Variants in PCDHGA5 observed in about 807,000 individuals in gnomAD.
PCDHGA5 encodes protocadherin gamma subfamily A, 5, also known as protocadherin gamma-A5.
In PCDHGA5, 36 loss-of-function variants were observed where a neutral mutation model predicts 56.7. The ratio of observed to expected loss-of-function variants is 0.64; its 90% CI spans 0.49 to 0.84. The LOEUF is 0.84. PCDHGA5 is among the 40% of genes least tolerant of loss of function. The probability of loss-of-function intolerance (pLI) is 0.00; values close to 1 mark genes in which losing one functional copy is unlikely to be tolerated. For synonymous variants in PCDHGA5, 563 were observed against 520.2 expected (o/e 1.08, Z -1.12); for missense variants, 1,305 against 1,201.5 (o/e 1.09, Z -1.27).
chr5:141,368,908 A>G (rs1325459876), intron 1 of PCDHGA5, among the ~76,000 whole-genome samples: 7 of 152,216 alleles, frequency 4.6e-5, no homozygotes, highest in Admixed American at 3.9e-4. Flanking sequence ...GTTTGTATAA[A>G]GGTGACAATG....
intron 1 of PCDHGA5, chr5:141,372,061 A>C: frequency 1.2e-6 from 2 of 1,613,572 alleles, no homozygotes; most frequent in Non-Finnish European, 1.7e-6. Context: ...GACGACCGCA[A>C]CGACAATGCA....
At position 141,409,547 on chromosome 5, in the gene PCDHGA5, G is replaced by T. The variant is rs760802690; in HGVS notation, c.2421+42796G>T. Reference sequence around the variant, plus strand: ...GTATGTCGCTGACATCAACGACAACGCCCCAGTTTTCGACCAGACGTCCTA... The same window carrying T: ...GTATGTCGCTGACATCAACGACAACTCCCCAGTTTTCGACCAGACGTCCTA... On this transcript the variant is annotated intron_variant, in intron 1 of 3. Coordinates refer to ENST00000518069, the MANE Select transcript of PCDHGA5 (RefSeq NM_018918.3). The T allele has an allele frequency of 2.4e-5, 39 of 1,613,818 alleles. No individual in the cohort carries two copies. The highest frequency in any genetic ancestry group is 3.1e-5 in the Non-Finnish European group (36 of 1,179,900).
At chr5:141,505,348 G>A (rs1414647950) in intron 2 of PCDHGA5, 45 bp from the exon 3 acceptor site, 1 of 1,613,358 alleles carries the variant, frequency 6.2e-7, no homozygotes, top group Admixed American at 1.7e-5. Context: ...GGCATGAGCT[G>A]TGCCGGCCTG....
At chr5:141,372,063 G>C (rs571325193) in intron 1 of PCDHGA5, 20 of 1,613,430 alleles carry the variant, frequency 1.2e-5, no homozygotes, top group East Asian at 2.2e-5. Flanking sequence ...CGACCGCAAC[G>C]ACAATGCACC....
At chr5:141,383,483 T>A (rs1779176353) in intron 1 of PCDHGA5, 1 of 1,613,378 alleles carries the variant, frequency 6.2e-7, no homozygotes, top group Non-Finnish European at 8.5e-7. Flanking sequence ...CCGGAACTGG[T>A]GCTGGAGCGG....
At chr5:141,420,742 A>G (rs967908996) in intron 1 of PCDHGA5, among the ~76,000 whole-genome samples, 3 of 152,372 alleles carry the variant, frequency 2.0e-5, no homozygotes, top group African/African-American at 7.2e-5. Context: ...AATCAATTGG[A>G]ACCAACTACA....
At chr5:141,418,878 A>G (rs1193526475) in intron 1 of PCDHGA5, 2 of 1,613,930 alleles carry the variant, frequency 1.2e-6, no homozygotes, top group Non-Finnish European at 8.5e-7. Context: ...GTTGTAGACG[A>G]AAACGACAAC....
In PCDHGA5 at chr5:141,485,865, C is replaced by T. The variant is rs1214425261; in HGVS notation, c.2422-8942C>T. The stretch of plus-strand genomic sequence containing the variant: ...TCTGGCACCGCAGAGCTCCGGGTAT[C>T]CGTGCTGGACGTAAACGACAACGCC... On this transcript the variant is annotated intron_variant, in intron 1 of 3. Transcript: ENST00000518069. The surrounding 1 kb of genome is among the most constrained non-coding windows in gnomAD (Gnocchi z 5.7). 23 of 1,614,182 alleles carry T rather than the reference C, an allele frequency of 1.4e-5. No homozygotes were observed. Among genetic ancestry groups the T allele is most frequent in the Non-Finnish European group, 1.8e-5 (21 of 1,180,034 alleles).
chr5:141,492,720 A>G (rs1161942205), intron 1 of PCDHGA5, among the ~76,000 whole-genome samples: 1 of 152,256 alleles, frequency 6.6e-6, no homozygotes, highest in East Asian at 1.9e-4. Context: ...GCAGGCGGAC[A>G]GGCAGAGCTG....
In PCDHGA5 at chr5:141,477,017, A is replaced by G; in HGVS notation, c.2422-17790A>G. 2 of 1,614,220 alleles carry G rather than the reference A, an allele frequency of 1.2e-6. No homozygotes were observed. The highest frequency in any genetic ancestry group is 2.2e-5 in the East Asian group (1 of 44,868). ...GCAACTATTCGCCTTAGACCTTGTA[A>G]CCGGGATGCTGACAATCAAGGGTCG... On this transcript the variant is annotated intron_variant, in intron 1 of 3. Coordinates refer to ENST00000518069, the MANE Select transcript of PCDHGA5 (RefSeq NM_018918.3). This position sits in a 1 kb window ranked among gnomAD's most constrained non-coding sequence, Gnocchi z 4.9.
Position 141,490,226 on chromosome 5 carries a change from C to T in PCDHGA5, c.2422-4581C>T. On this transcript the variant is annotated intron_variant, in intron 1 of 3. Coordinates refer to ENST00000518069, the MANE Select transcript of PCDHGA5 (RefSeq NM_018918.3). This position sits in a 1 kb window ranked among gnomAD's most constrained non-coding sequence, Gnocchi z 5.4. ...AGAGCCCGTGACCAGGGACAGCCTG[C>T]CATGGAGGGCCACTGTGTGATTCAA... The T allele has an allele frequency of 6.2e-7, 1 of 1,614,168 alleles. No homozygotes were observed. Among genetic ancestry groups the T allele is most frequent in the Non-Finnish European group, 8.5e-7 (1 of 1,180,020 alleles).
At chr5:141,460,150 T>G (rs1169568683) in intron 1 of PCDHGA5, among the ~76,000 whole-genome samples, 1 of 152,106 alleles carries the variant, frequency 6.6e-6, no homozygotes, top group East Asian at 1.9e-4. Context: ...ATGTGAGCTC[T>G]TTGTCACATA....
Position 141,384,796 on chromosome 5 carries a change from C to A in PCDHGA5, c.2421+18045C>A, listed in dbSNP as rs1182973938. 1 of 1,613,330 alleles carries A rather than the reference C, an allele frequency of 6.2e-7. No homozygotes were observed. Among genetic ancestry groups the A allele is most frequent in the African/African-American group, 1.3e-5 (1 of 74,956 alleles). ...CGAGGTGCGCACGGCTCGGGCCCTG[C>A]TGGACAGAGATGCCCTCAAGCAGAG... is the stretch of plus-strand genomic sequence containing the variant. On this transcript the variant is annotated intron_variant, in intron 1 of 3. Coordinates refer to ENST00000518069, the MANE Select transcript of PCDHGA5 (RefSeq NM_018918.3).
chr5:141,427,855 G>T (rs2097079766), intron 1 of PCDHGA5: 1 of 1,553,826 alleles, frequency 6.4e-7, no homozygotes, highest in Non-Finnish European at 8.8e-7. Flanking sequence ...GAGCAGCTGT[G>T]CGCCTTCGAG....
At chr5:141,435,010 G>A (rs2097736933) in intron 1 of PCDHGA5, among the ~76,000 whole-genome samples, 1 of 151,950 alleles carries the variant, frequency 6.6e-6, no homozygotes, top group Non-Finnish European at 1.5e-5. Flanking sequence ...ATTTATCAAT[G>A]ATAATGCTCT....
chr5:141,364,659 T>G lies in PCDHGA5; in HGVS notation c.329T>G (p.Val110Gly). 6.2e-7 allele frequency: 1 copy of G among 1,614,020 alleles called. No homozygotes were observed. The highest frequency in any genetic ancestry group is 8.5e-7 in the Non-Finnish European group (1 of 1,179,914). ...PLCVVNFNIL[V>G]ENKMKIYGVE... ...TGTGTGGTGAACTTTAACATCTTGG[T>G]TGAGAACAAAATGAAAATTTATGGA... Residue 110 changes from valine (V) to glycine (G), a missense_variant, in exon 1 of 4, where the codon GTT becomes GGT. Physicochemically the swap from Val to Gly is moderately radical, Grantham distance 109 (BLOSUM62 -3). Transcript: ENST00000518069.
intron 1 of PCDHGA5, among the ~76,000 whole-genome samples, chr5:141,445,567 T>C (rs1465765772): frequency 6.6e-6 from 1 of 152,142 alleles, no homozygotes; most frequent in Admixed American, 6.5e-5. Context: ...AGAGAAAGCT[T>C]ATAGTAGGGA....
chr5:141,410,524 T>A, intron 1 of PCDHGA5: 1 of 1,613,954 alleles, frequency 6.2e-7, no homozygotes. Context: ...TGCCCCTACA[T>A]TCCAATGAAG....
In PCDHGA5 at chr5:141,490,261, G is replaced by T; in HGVS notation, c.2422-4546G>T. 6.2e-7 allele frequency: 1 copy of T among 1,614,218 alleles called. No individual in the cohort carries two copies. Among genetic ancestry groups the T allele is most frequent in the Non-Finnish European group, 8.5e-7 (1 of 1,180,038 alleles). ...CCACTGTGTGATTCAAGTGGATGTG[G>T]GGGATGTCAATGACAATGCCCCAGA... On this transcript the variant is annotated intron_variant, in intron 1 of 3. Coordinates refer to ENST00000518069, the MANE Select transcript of PCDHGA5 (RefSeq NM_018918.3). The surrounding 1 kb of genome is among the most constrained non-coding windows in gnomAD (Gnocchi z 5.4).
Sources: allele counts gnomAD v4.1 joint callset (sites outside exome capture counted in the v4.1 genomes callset), GRCh38; gene constraint gnomAD v4.1.1; non-coding constraint Gnocchi (gnomAD v3.1); transcripts MANE v1.5; gene names NCBI Gene and HGNC (gene_info 2026-07-23, HGNC 2026-07-21).